CHRM2: variants seen among roughly 807,000 people sequenced by gnomAD.
The protein encoded by CHRM2 is cholinergic receptor muscarinic 2.
Under a neutral mutation model 25.0 loss-of-function variants are expected in CHRM2, and 8 were observed. The ratio of observed to expected loss-of-function variants is 0.32; its 90% CI spans 0.19 to 0.58. CHRM2 has a LOEUF of 0.58. CHRM2 is among the 20% of genes least tolerant of loss of function. The probability of loss-of-function intolerance (pLI) is 0.88; values close to 1 mark genes in which losing one functional copy is unlikely to be tolerated. For synonymous variants in CHRM2, 202 were observed against 205.7 expected, an observed-to-expected ratio of 0.98 and a Z score of 0.15; for missense variants, 440 against 567.1, an observed-to-expected ratio of 0.78 and a Z score of 2.28.
Position 137,015,671 on chromosome 7 carries a change from C to T in CHRM2, c.806C>T (p.Pro269Leu), listed in dbSNP as rs866256345. The change falls in exon 4 of 4, where the codon CCT (proline) becomes CTT (leucine). Residue 269 changes from proline to leucine, a missense_variant. Physicochemically the swap from Pro to Leu is moderately conservative, Grantham distance 98. Around this residue, in one of 5 missense-constraint regions of CHRM2, gnomAD observed 261 missense variants for 261.8 expected, o/e 1.00. Coordinates refer to ENST00000680005, the MANE Select transcript of CHRM2 (RefSeq NM_001006630.2). The surrounding 1 kb of genome is among the most constrained non-coding windows in gnomAD (Gnocchi z 5.1). Reference protein sequence around the residue: ...KIQNGKAPRDPVTENCVQGEE... With the variant: ...KIQNGKAPRDLVTENCVQGEE... The stretch of plus-strand genomic sequence containing the variant: ...CAGAATGGCAAAGCCCCCAGGGATC[C>T]TGTGACTGAAAACTGTGTTCAGGGA... 1 of 1,613,088 alleles carries T rather than the reference C, an allele frequency of 6.2e-7. No homozygotes were observed. The highest frequency in any genetic ancestry group is 8.5e-7 in the Non-Finnish European group (1 of 1,179,546).
chr7:136,979,270 T>A (rs906920867), intron 2 of CHRM2, among the ~76,000 whole-genome samples: 1 of 152,242 alleles, frequency 6.6e-6, no homozygotes, highest in Non-Finnish European at 1.5e-5. Flanking sequence ...TCTGTTGATA[T>A]CCTTTGCCCA....
chr7:136,956,583 C>T (rs1800737723), intron 2 of CHRM2, among the ~76,000 whole-genome samples: 1 of 152,168 alleles, frequency 6.6e-6, no homozygotes, highest in South Asian at 2.1e-4. Flanking sequence ...CCTCTACCCA[C>T]ATTTCCACAC....
At position 137,019,476 on chromosome 7, in the gene CHRM2, A is replaced by T. The variant is rs951259805; in HGVS notation, c.*3210A>T. On this transcript the variant is annotated 3_prime_UTR_variant, in exon 4 of 4. Transcript: ENST00000680005. ...ATGATCAGTTTCTACTGGAGCTGCA[A>T]TTTTTCCTTTCAAAAAATATTAAGA... is the stretch of plus-strand genomic sequence containing the variant. 18 of 151,822 alleles carry T rather than the reference A, an allele frequency of 1.2e-4. No individual in the cohort carries two copies. The highest frequency in any genetic ancestry group is 2.7e-4 in the Non-Finnish European group (18 of 67,884). 9.4% of individuals were successfully genotyped at this position (151,822 alleles called of 1,614,324 possible).
intron 2 of CHRM2, among the ~76,000 whole-genome samples, chr7:136,927,133 T>C (rs954680753): frequency 6.6e-6 from 1 of 152,198 alleles, no homozygotes; most frequent in Non-Finnish European, 1.5e-5. Flanking sequence ...TCATAAGCTA[T>C]AATATGCAAA....
chr7:136,958,387 T>C (rs1800851035), intron 2 of CHRM2, among the ~76,000 whole-genome samples: 1 of 152,102 alleles, frequency 6.6e-6, no homozygotes, highest in Non-Finnish European at 1.5e-5. Flanking sequence ...CTATTTTCTA[T>C]TGTACTTCTT....
At chr7:136,975,224 C>T (rs1802034785) in intron 2 of CHRM2, among the ~76,000 whole-genome samples, 1 of 152,122 alleles carries the variant, frequency 6.6e-6, no homozygotes, top group African/African-American at 2.4e-5. Context: ...CAGCAATTTT[C>T]CCAAGTGTCT....
chr7:137,015,577 G>A lies in CHRM2; in HGVS notation c.712G>A (p.Gly238Arg). ...QDPVSPSLVQ[G>R]RIVKPNNNNM... ...CCCCGTTTCTCCAAGTCTGGTACAA[G>A]GAAGGATAGTGAAGCCAAACAATAA... is the stretch of plus-strand genomic sequence containing the variant. Residue 238 changes from glycine (G) to arginine (R), a missense_variant, in exon 4 of 4, where the codon GGA becomes AGA. By Grantham distance (125) the Gly-to-Arg change is moderately radical. Coordinates refer to ENST00000680005, the MANE Select transcript of CHRM2 (RefSeq NM_001006630.2). The surrounding 1 kb of genome is among the most constrained non-coding windows in gnomAD (Gnocchi z 5.1). 6.2e-7 allele frequency: 1 copy of A among 1,612,936 alleles called. No individual in the cohort carries two copies. The highest frequency in any genetic ancestry group is 8.5e-7 in the Non-Finnish European group (1 of 1,179,542).
At chr7:136,977,857 T>C (rs1182100928) in intron 2 of CHRM2, among the ~76,000 whole-genome samples, 1 of 152,202 alleles carries the variant, frequency 6.6e-6, no homozygotes, top group South Asian at 2.1e-4. Context: ...TTCCAGAATT[T>C]GTATAGCTTG....
chr7:136,997,456 A>T (rs1803681103), intron 3 of CHRM2, among the ~76,000 whole-genome samples: 1 of 152,182 alleles, frequency 6.6e-6, no homozygotes, highest in African/African-American at 2.4e-5. Context: ...TACTTCTCTA[A>T]ATGTTCTAAT....
chr7:136,999,310 C>T (rs970251748), intron 3 of CHRM2, among the ~76,000 whole-genome samples: 3 of 152,094 alleles, frequency 2.0e-5, no homozygotes, highest in Admixed American at 2.0e-4. Context: ...TGCAGCAAAC[C>T]ACCATGGCAC....
chr7:137,009,091 A>G (rs1442442955), intron 3 of CHRM2, among the ~76,000 whole-genome samples: 2 of 152,114 alleles, frequency 1.3e-5, no homozygotes. Context: ...TTACTTATGT[A>G]TTGATAATTC....
intron 2 of CHRM2, chr7:136,899,713 T>C (rs1008807543): frequency 1.3e-5 from 2 of 152,138 alleles, no homozygotes; most frequent in African/African-American, 4.8e-5. Context: ...TCCTTCCTAA[T>C]GTGTTCATGT....
chr7:136,878,316 G>C (rs1166346987), intron 2 of CHRM2, among the ~76,000 whole-genome samples: 1 of 151,922 alleles, frequency 6.6e-6, no homozygotes, highest in Non-Finnish European at 1.5e-5. Flanking sequence ...GGAGTAGGCA[G>C]TTATGTCTTC....
At chr7:136,879,685 A>G (rs145459747) in intron 2 of CHRM2, among the ~76,000 whole-genome samples, 230 of 152,062 alleles carry the variant, frequency 1.5e-3, no homozygotes, top group African/African-American at 5.2e-3. Flanking sequence ...TCTCCCTCGC[A>G]GTTTGTTAGT....
At chr7:136,943,379 T>C (rs1799883304) in intron 2 of CHRM2, among the ~76,000 whole-genome samples, 2 of 152,196 alleles carry the variant, frequency 1.3e-5, no homozygotes, top group South Asian at 4.1e-4. Flanking sequence ...AGCTTACAAC[T>C]GTTGTTTTCC....
intron 2 of CHRM2, among the ~76,000 whole-genome samples, chr7:136,941,936 G>C (rs1208805430): frequency 6.6e-6 from 1 of 152,140 alleles, no homozygotes; most frequent in South Asian, 2.1e-4. Flanking sequence ...CCTGGGGCTA[G>C]TAAGTACACC....
intron 2 of CHRM2, among the ~76,000 whole-genome samples, chr7:136,890,137 C>T (rs1316030734): frequency 1.3e-5 from 2 of 152,188 alleles, no homozygotes; most frequent in African/African-American, 4.8e-5. Flanking sequence ...AAAACTGAGA[C>T]AATACATTTC....
At chr7:136,928,742 A>G (rs1467007184) in intron 2 of CHRM2, among the ~76,000 whole-genome samples, 1 of 152,200 alleles carries the variant, frequency 6.6e-6, no homozygotes, top group East Asian at 1.9e-4. Flanking sequence ...ATGATTTAGA[A>G]TCAGATACCT....
At chr7:136,990,615 C>G (rs964168597) in intron 2 of CHRM2, among the ~76,000 whole-genome samples, 4 of 152,146 alleles carry the variant, frequency 2.6e-5, no homozygotes, top group Non-Finnish European at 4.4e-5. Flanking sequence ...ATTCATTCAC[C>G]TACTGAAGGA....
Sources: gnomAD v4.1 joint callset for allele counts (sites outside exome capture counted in the v4.1 genomes callset) on GRCh38, gnomAD v4.1.1 for gene constraint, gnomAD v4.1.1 regional missense constraint, Gnocchi (gnomAD v3.1) non-coding constraint, MANE v1.5 for transcripts, NCBI Gene and HGNC (gene_info 2026-07-23, HGNC 2026-07-21) for gene names.